The following RRP1 variants were observed in gnomAD, a reference collection of about 807,000 sequenced individuals.
RRP1 encodes ribosomal RNA processing 1.
A neutral mutation model predicts 54.6 loss-of-function variants in RRP1; 37 were observed. The ratio of observed to expected loss-of-function variants is 0.68; its 90% CI spans 0.52 to 0.89. The LOEUF (loss-of-function observed/expected upper bound fraction) is 0.89, where lower values mean the gene tolerates loss of function less well. Among genes scored for constraint, RRP1 ranks in the 40% least tolerant of loss-of-function variants. The pLI, the probability that RRP1 is intolerant of heterozygous loss-of-function variation, is 0.00. For synonymous variants in RRP1, 262 were observed against 244.3 expected, an observed-to-expected ratio of 1.07 and a Z score of -0.67; for missense variants, 639 against 612.5, an observed-to-expected ratio of 1.04 and a Z score of -0.46.
intron 4 of RRP1, among the ~76,000 whole-genome samples, chr21:43,793,933 C>T (rs2084987652): frequency 6.6e-6 from 1 of 152,208 alleles, no homozygotes; most frequent in South Asian, 2.1e-4. Context: ...CCCGGACCTG[C>T]TTCTCTCCTT....
chr21:43,791,471 G>C (rs773125444), intron 2 of RRP1, 39 bp downstream of exon 2: 5 of 1,579,920 alleles, frequency 3.2e-6, no homozygotes, highest in Middle Eastern at 1.7e-4. Flanking sequence ...CAGAAGCAGC[G>C]GGGGAGGATG....
chr21:43,801,470 G>C (rs1361532551), intron 11 of RRP1, among the ~76,000 whole-genome samples: 1 of 152,122 alleles, frequency 6.6e-6, no homozygotes, highest in Non-Finnish European at 1.5e-5. Flanking sequence ...TCCAGGGTTT[G>C]GTTTTTTTAT....
chr21:43,802,449 G>A (rs1196280078), intron 12 of RRP1, 62 bp downstream of exon 12: 1 of 1,348,844 alleles, frequency 7.4e-7, no homozygotes, highest in East Asian at 2.3e-5. Context: ...TTCTCCCCTG[G>A]ATGGGGGTCA....
At chr21:43,798,657 GAGGGGCAGGTGTACT>G (rs2085049725) in intron 8 of RRP1, among the ~76,000 whole-genome samples, 1 of 152,060 alleles carries the variant, frequency 6.6e-6, no homozygotes, top group African/African-American at 2.4e-5. Flanking sequence ...CAGTGTGTGT[GAGGGGCAGGTGTACT>G]CACCTGCCCC....
At chr21:43,792,857 C>T (rs2084974492) in intron 3 of RRP1, 128 bp downstream of exon 3, 1 of 947,042 alleles carries the variant, frequency 1.1e-6, no homozygotes, top group African/African-American at 1.6e-5. Flanking sequence ...AAGAGAGCGC[C>T]AGCTGGTGTC....
intron 10 of RRP1, 117 bp downstream of exon 10, chr21:43,800,731 G>T: frequency 6.7e-7 from 1 of 1,500,210 alleles, no homozygotes; most frequent in Non-Finnish European, 9.1e-7. Context: ...GGTGATCCCC[G>T]CTAGGACCCT....
At chr21:43,794,944 T>G (rs899016013) in intron 4 of RRP1, among the ~76,000 whole-genome samples, 1 of 152,236 alleles carries the variant, frequency 6.6e-6, no homozygotes, top group Admixed American at 6.5e-5. Context: ...ATGCACCTGC[T>G]TCCTGCCAGC....
intron 12 of RRP1, 24 bp from the exon 13 acceptor site, chr21:43,803,488 C>T: frequency 6.5e-7 from 1 of 1,529,538 alleles, no homozygotes; most frequent in Non-Finnish European, 8.8e-7. Flanking sequence ...TTCTCTGGCT[C>T]ATGGGGTCTT....
intron 1 of RRP1, 63 bp downstream of exon 1, chr21:43,789,825 G>T: frequency 7.0e-7 from 1 of 1,426,310 alleles, no homozygotes; most frequent in Non-Finnish European, 9.2e-7. Flanking sequence ...GGTGTGGGCG[G>T]CGGCGGCCGG....
rs763679263 is a variant in RRP1, at chr21:43,797,983, C to G, written c.694C>G (p.Leu232Val). 6.2e-7 allele frequency: 1 copy of G among 1,614,178 alleles called. No individual in the cohort carries two copies. Among genetic ancestry groups the G allele is most frequent in the Non-Finnish European group, 8.5e-7 (1 of 1,180,004 alleles). The change falls in exon 8 of 13, where the codon CTC (leucine) becomes GTC (valine). Residue 232 changes from leucine (L) to valine (V), a missense_variant. Physicochemically the swap from Leu to Val is conservative, Grantham distance 32 (BLOSUM62 1). Transcript: ENST00000497547. The stretch of plus-strand genomic sequence containing the variant: ...GCAGGCCCCGCTTGCCATTGAAGAC[C>G]TCCTGAATGAACTGGACACACAGGA... Reference protein sequence around the residue: ...VEQAPLAIEDLLNELDTQDEE... With the variant: ...VEQAPLAIEDVLNELDTQDEE...
At position 43,802,548 on chromosome 21, in the gene RRP1, G is replaced by A. The variant is rs573827287; in HGVS notation, c.1123+161G>A. On this transcript the variant is annotated intron_variant, in intron 12 of 12. Transcript: ENST00000497547. ...GCATCCCGGAAATGCCCTGTCCTCG[G>A]CATCCCTCCTGTAGGCCTCTCCCTG... The A allele has an allele frequency of 3.9e-4, 248 of 629,692 alleles. 1 individual carries two copies. Among genetic ancestry groups the A allele is most frequent in the African/African-American group, 3.9e-3 (218 of 55,560 alleles). The allele number at this position is 629,692 out of a possible 1,614,324, so 39.0% of individuals were successfully genotyped here. A position where few individuals can be genotyped will look rare whatever the true frequency, so the allele number is the denominator to read the frequency against.
At position 43,795,196 on chromosome 21, in the gene RRP1, G is replaced by A. The variant is rs374122140; in HGVS notation, c.368G>A (p.Arg123Gln). Residue 123 changes from arginine to glutamine, a missense_variant, in exon 5 of 13, where the codon CGG (arginine) becomes CAG (glutamine). Transcript: ENST00000497547. The stretch of plus-strand genomic sequence containing the variant: ...CCTCCTTCTGTGTCAAAGCTCATGC[G>A]GATGGTCCTGAACGAGTCCTTGAAG... ...LRLDKFYMLM[R>Q]MVLNESLKVL... 2 of 1,614,054 alleles carry A rather than the reference G, an allele frequency of 1.2e-6. No individual in the cohort carries two copies. Among genetic ancestry groups the A allele is most frequent in the South Asian group, 1.1e-5 (1 of 91,074 alleles).
In RRP1 at chr21:43,792,729, CG is replaced by C; in HGVS notation, c.274+1del. On this transcript the variant is annotated splice_donor_variant, in intron 3 of 12. Coordinates refer to ENST00000497547, the MANE Select transcript of RRP1 (RefSeq NM_003683.6). LOFTEE classifies it high-confidence loss of function. ...TCATGCTTTTCAGACCACGGAGGCG[CG>C]TGAGTATGCTCTGCTGTAGTTGGGT... 1 of 1,613,984 alleles carries C rather than the reference CG, an allele frequency of 6.2e-7. No individual in the cohort carries two copies. Among genetic ancestry groups the C allele is most frequent in the Non-Finnish European group, 8.5e-7 (1 of 1,179,918 alleles).
chr21:43,798,091 C>T lies in RRP1; in HGVS notation c.802C>T (p.Pro268Ser). 10 of 1,610,904 alleles carry T rather than the reference C, an allele frequency of 6.2e-6. No homozygotes were observed. Among genetic ancestry groups the T allele is most frequent in the Non-Finnish European group, 8.5e-6 (10 of 1,178,374 alleles). The change falls in exon 8 of 13, where the codon CCG (proline) becomes TCG (serine). Residue 268 changes from proline to serine, a missense_variant. Transcript: ENST00000497547. ...DALSQKRSEKPPAGSICRAEP... is the reference protein window; with the variant it reads ...DALSQKRSEKSPAGSICRAEP... The stretch of plus-strand genomic sequence containing the variant: ...GCTGTCCCAGAAGAGGTCTGAGAAG[C>T]CGCCCGCAGGTGGGGGTCACACTGC...
intron 7 of RRP1, 52 bp downstream of exon 7, chr21:43,797,747 T>C (rs774718949): frequency 5.6e-6 from 9 of 1,602,294 alleles, no homozygotes; most frequent in Non-Finnish European, 6.8e-6. Flanking sequence ...AGTTCTTCCA[T>C]GGGGCTGCTG....
At position 43,803,534 on chromosome 21, in the gene RRP1, G is replaced by T; in HGVS notation, c.1146G>T (p.Pro382=). The T allele has an allele frequency of 6.4e-7, 1 of 1,557,460 alleles. No homozygotes were observed. The highest frequency in any genetic ancestry group is 1.9e-5 in the Admixed American group (1 of 52,216). ...QERGKGEKEP[P]SPGMERKRSR... ...CAGGGAAAGGTGAGAAGGAGCCCCC[G>T]AGCCCGGGCATGGAGAGGAAGAGGA... is the stretch of plus-strand genomic sequence containing the variant. Residue 382 remains proline (P), a synonymous_variant, in exon 13 of 13, where the codon CCG becomes CCT. Coordinates refer to ENST00000497547, the MANE Select transcript of RRP1 (RefSeq NM_003683.6).
chr21:43,793,855 G>A (rs192179132), intron 4 of RRP1, among the ~76,000 whole-genome samples: 10 of 152,160 alleles, frequency 6.6e-5, no homozygotes, highest in Non-Finnish European at 1.0e-4. Flanking sequence ...TTGTATCCCC[G>A]TTCAGGGCAC....
At position 43,789,652 on chromosome 21, in the gene RRP1, C is replaced by T. The variant is rs746135596; in HGVS notation, c.23C>T (p.Pro8Leu). 1.9e-6 allele frequency: 3 copies of T among 1,582,570 alleles called. No individual in the cohort carries two copies. The highest frequency in any genetic ancestry group is 1.1e-5 in the South Asian group (1 of 87,046). ...GTCATGGTTTCGCGCGTGCAGCTCC[C>T]GCCTGAGATCCAGCTGGCTCAGCGC... Reference protein sequence around the residue: MVSRVQLPPEIQLAQRLA... With the variant: MVSRVQLLPEIQLAQRLA... Residue 8 changes from proline to leucine, a missense_variant, in exon 1 of 13, where the codon CCG becomes CTG. Transcript: ENST00000497547.
intron 10 of RRP1, 39 bp from the exon 11 acceptor site, chr21:43,800,823 C>T (rs368121544): frequency 1.1e-5 from 18 of 1,612,664 alleles, no homozygotes; most frequent in South Asian, 5.5e-5. Context: ...CTGCGGAAGC[C>T]GCAGCTGTGG....
Sources: allele counts gnomAD v4.1 joint callset (sites outside exome capture counted in the v4.1 genomes callset), GRCh38; gene constraint gnomAD v4.1.1; transcripts MANE v1.5; gene names NCBI Gene and HGNC (gene_info 2026-07-23, HGNC 2026-07-21).